Variants in INSR observed in about 807,000 individuals in gnomAD.
The protein encoded by INSR is IR.
INSR carries 67 observed loss-of-function variants against 142.6 expected under a neutral mutation model. That is an observed-to-expected ratio of 0.47 (90% CI 0.39 to 0.58). INSR has a LOEUF of 0.58. Among genes scored for constraint, INSR ranks in the 20% least tolerant of loss-of-function variants. The probability of loss-of-function intolerance (pLI) is 0.00; values close to 1 mark genes in which losing one functional copy is unlikely to be tolerated. For synonymous variants in INSR, 756 were observed against 743.1 expected, an observed-to-expected ratio of 1.02 and a Z score of -0.28; for missense variants, 1,248 against 1,833.2, an observed-to-expected ratio of 0.68 and a Z score of 5.83.
At chr19:7,283,824 G>A (rs1968271954) in intron 1 of INSR, among the ~76,000 whole-genome samples, 1 of 152,124 alleles carries the variant, frequency 6.6e-6, no homozygotes, top group South Asian at 2.1e-4. Context: ...AGTGAATACT[G>A]AACCATTGTT....
At chr19:7,264,402 G>A (rs1355458297) in intron 2 of INSR, among the ~76,000 whole-genome samples, 1 of 152,164 alleles carries the variant, frequency 6.6e-6, no homozygotes, top group African/African-American at 2.4e-5. Context: ...AGACTCAATT[G>A]CAGATAACAC....
At chr19:7,179,127 G>T (rs1287700242) in intron 3 of INSR, among the ~76,000 whole-genome samples, 1 of 152,144 alleles carries the variant, frequency 6.6e-6, no homozygotes, top group Non-Finnish European at 1.5e-5. Flanking sequence ...GTCCAGGCTG[G>T]TCTCGAACCT....
chr19:7,277,957 G>A (rs374663603), intron 1 of INSR, among the ~76,000 whole-genome samples: 19 of 151,916 alleles, frequency 1.3e-4, no homozygotes, highest in Middle Eastern at 3.4e-3. Flanking sequence ...AGCCGGGCAC[G>A]GTAGCGCTCG....
chr19:7,211,609 A>G (rs1368705358), intron 2 of INSR, among the ~76,000 whole-genome samples: 2 of 152,198 alleles, frequency 1.3e-5, no homozygotes, highest in Non-Finnish European at 2.9e-5. Flanking sequence ...TGCACCATCA[A>G]TGACCCCTCA....
intron 10 of INSR, among the ~76,000 whole-genome samples, chr19:7,151,555 G>A (rs930731982): frequency 6.6e-6 from 1 of 151,710 alleles, no homozygotes; most frequent in East Asian, 1.9e-4. Context: ...CAAAGTGCTG[G>A]GATTACACGA....
intron 2 of INSR, among the ~76,000 whole-genome samples, chr19:7,202,628 T>C (rs560722322): frequency 1.5e-3 from 125 of 85,588 alleles, no homozygotes; most frequent in African/African-American, 6.8e-3. Context: ...GCCTCCCAAG[T>C]AGCTAGGATT....
At chr19:7,198,852 G>A (rs891920616) in intron 2 of INSR, among the ~76,000 whole-genome samples, 2 of 151,972 alleles carry the variant, frequency 1.3e-5, no homozygotes, top group African/African-American at 4.8e-5. Context: ...CCAAGGCAGC[G>A]AGTGGACATT....
At chr19:7,221,561 A>T (rs1308873813) in intron 2 of INSR, among the ~76,000 whole-genome samples, 1 of 151,768 alleles carries the variant, frequency 6.6e-6, no homozygotes, top group African/African-American at 2.4e-5. Flanking sequence ...CACAAAAATG[A>T]GCCGGTTGTG....
At position 7,222,687 on chromosome 19, in the gene INSR, C is replaced by G. The variant is rs576503917; in HGVS notation, c.653-38050G>C. On this transcript the variant is annotated intron_variant, in intron 2 of 21. Transcript: ENST00000302850. ...GGATTACAGGCATGAGCCACGGTGTCCAGCCTGGCTTCCCTATTTGGCAGT... is the reference window on the plus strand; with the variant it reads ...GGATTACAGGCATGAGCCACGGTGTGCAGCCTGGCTTCCCTATTTGGCAGT... 3.9e-5 allele frequency among the ~76,000 whole-genome samples: 6 copies of G among 152,104 alleles called. No homozygotes were observed. The South Asian group carries it at 1.0e-3, about 26-fold the overall frequency.
intron 2 of INSR, among the ~76,000 whole-genome samples, chr19:7,191,377 A>G (rs545631274): frequency 5.3e-5 from 8 of 152,040 alleles, no homozygotes; most frequent in Non-Finnish European, 1.2e-4. Flanking sequence ...GGAGGGAAAG[A>G]AAAGAAAGAA....
At chr19:7,162,638 T>C (rs1305462726) in intron 9 of INSR, among the ~76,000 whole-genome samples, 2 of 151,332 alleles carry the variant, frequency 1.3e-5, no homozygotes, top group African/African-American at 4.9e-5. Flanking sequence ...CTGACCAACA[T>C]GGAGAAACCC....
Position 7,152,471 on chromosome 19 carries a change from G to C in INSR, c.2231+255C>G, listed in dbSNP as rs190628201. On this transcript the variant is annotated intron_variant, in intron 10 of 21. Transcript: ENST00000302850. ...AACTCACGTGGAGACCAGCTCAGGA[G>C]AGGTAAGAAAGGCAAATGCTGAGTT... 1.5e-5 allele frequency: 8 copies of C among 537,738 alleles called. No homozygotes were observed. The East Asian group carries it at 2.4e-4, about 16-fold the overall frequency. 33.3% of individuals were successfully genotyped at this position (537,738 alleles called of 1,614,324 possible). A position where few individuals can be genotyped will look rare whatever the true frequency, so the allele number is the denominator to read the frequency against.
chr19:7,290,758 CCT>C (rs1968468996), intron 1 of INSR, among the ~76,000 whole-genome samples: 3 of 134,892 alleles, frequency 2.2e-5, no homozygotes, highest in African/African-American at 5.6e-5. Flanking sequence ...AGAGTGACAC[CCT>C]GTCTCAAAAA....
chr19:7,242,818 C>T (rs1441709250), intron 2 of INSR, among the ~76,000 whole-genome samples: 1 of 150,000 alleles, frequency 6.7e-6, no homozygotes, highest in Non-Finnish European at 1.5e-5. Flanking sequence ...TGTTGTGTAC[C>T]ACAGAAGCTA....
At chr19:7,171,072 G>A (rs1974006004) in intron 5 of INSR, among the ~76,000 whole-genome samples, 1 of 152,106 alleles carries the variant, frequency 6.6e-6, no homozygotes, top group African/African-American at 2.4e-5. Flanking sequence ...CTGAGTTCAG[G>A]GAAGAGCAAA....
chr19:7,237,003 G>A (rs1021518678), intron 2 of INSR, among the ~76,000 whole-genome samples: 3 of 150,580 alleles, frequency 2.0e-5, no homozygotes, highest in Admixed American at 2.0e-4. Flanking sequence ...CTCCAGCCTG[G>A]GTGACAGCGT....
chr19:7,197,967 T>C (rs1031118405), intron 2 of INSR, among the ~76,000 whole-genome samples: 30 of 149,192 alleles, frequency 2.0e-4, no homozygotes, highest in African/African-American at 7.5e-4. Context: ...TGGGAGTGTG[T>C]GTGTGTCCCC....
intron 13 of INSR, 163 bp downstream of exon 13, chr19:7,141,514 C>A: frequency 1.1e-6 from 1 of 945,092 alleles, no homozygotes; most frequent in Non-Finnish European, 1.6e-6. Context: ...TCTGACCCAT[C>A]TTCCTGCGAA....
At chr19:7,230,122 C>T (rs1465229923) in intron 2 of INSR, among the ~76,000 whole-genome samples, 2 of 152,024 alleles carry the variant, frequency 1.3e-5, no homozygotes, top group Admixed American at 1.3e-4. Context: ...TTCTCGGCCA[C>T]ATTCTCAGAG....
Sources: gnomAD v4.1 joint callset for allele counts (sites outside exome capture counted in the v4.1 genomes callset) on GRCh38, gnomAD v4.1.1 for gene constraint, MANE v1.5 for transcripts, NCBI Gene and HGNC (gene_info 2026-07-23, HGNC 2026-07-21) for gene names.